Variants in PKNOX2 observed in about 807,000 individuals in gnomAD.
PKNOX2 encodes PBX/knotted 1 homeobox 2, also known as homeobox protein PKNOX2.
In PKNOX2, 14 loss-of-function variants were observed where a neutral mutation model predicts 53.1. The ratio of observed to expected loss-of-function variants is 0.26; its 90% CI spans 0.17 to 0.41. The LOEUF (loss-of-function observed/expected upper bound fraction) is 0.41, where lower values mean the gene tolerates loss of function less well. Ranked by LOEUF, PKNOX2 falls within the 10% of genes least tolerant of loss-of-function variation. The pLI is 1.00. For missense variants in PKNOX2, 496 were observed against 602.8 expected, an observed-to-expected ratio of 0.82 and a Z score of 1.85; for synonymous variants, 257 against 242.8, an observed-to-expected ratio of 1.06 and a Z score of -0.54.
chr11:125,200,060 C>T (rs1010957279), intron 1 of PKNOX2, among the ~76,000 whole-genome samples: 3 of 152,152 alleles, frequency 2.0e-5, no homozygotes, highest in African/African-American at 4.8e-5. Flanking sequence ...GACAGTGACA[C>T]CAGTGGCCTC....
At chr11:125,325,258 A>G (rs974039801) in intron 2 of PKNOX2, among the ~76,000 whole-genome samples, 21 of 152,140 alleles carry the variant, frequency 1.4e-4, no homozygotes, top group Non-Finnish European at 1.2e-4. Flanking sequence ...CCCTCATTTA[A>G]TAGATGCACG....
chr11:125,294,690 C>T (rs546288956), intron 2 of PKNOX2, among the ~76,000 whole-genome samples: 5 of 152,360 alleles, frequency 3.3e-5, no homozygotes, highest in African/African-American at 9.6e-5. Context: ...CCCCAGTCTG[C>T]TCCTCACTAG....
intron 2 of PKNOX2, among the ~76,000 whole-genome samples, chr11:125,309,127 C>CT (rs1948637810): frequency 6.8e-6 from 1 of 146,406 alleles, no homozygotes; most frequent in Non-Finnish European, 1.5e-5. Flanking sequence ...ACAATTACCT[C>CT]TTCCTTTCTT....
intron 1 of PKNOX2, among the ~76,000 whole-genome samples, chr11:125,213,584 A>G (rs1565470820): frequency 6.6e-6 from 1 of 151,974 alleles, no homozygotes; most frequent in Non-Finnish European, 1.5e-5. Context: ...CAGCCTCCTG[A>G]GTAGCTGGGA....
intron 10 of PKNOX2, among the ~76,000 whole-genome samples, chr11:125,418,114 A>AC (rs1392231822): frequency 8.6e-5 from 13 of 151,944 alleles, no homozygotes; most frequent in Admixed American, 5.2e-4. Flanking sequence ...TATTTTCATC[A>AC]CCCCAAAAAG....
At chr11:125,411,507 T>TCTCCCC (rs1955536299) in intron 9 of PKNOX2, 2 of 375,020 alleles carry the variant, frequency 5.3e-6, no homozygotes, top group African/African-American at 2.6e-5. Flanking sequence ...TCTCTCTCTC[T>TCTCCCC]CTCCCCCCCT....
At position 125,220,686 on chromosome 11, in the gene PKNOX2, C is replaced by T. The variant is rs75104546; in HGVS notation, c.-200-14359C>T. 9.6e-3 allele frequency among the ~76,000 whole-genome samples: 1,455 copies of T among 152,282 alleles called. 28 individuals carry two copies. Among genetic ancestry groups the T allele is most frequent in the African/African-American group, 0.032 (1,349 of 41,550 alleles). ...CTCCCGTCATACCTTGCCTAGGATC[C>T]GGCCTTGTTCTATTTCTCCATCCAT... On this transcript the variant is annotated intron_variant, in intron 1 of 12. Coordinates refer to ENST00000298282, the MANE Select transcript of PKNOX2 (RefSeq NM_001382323.2).
intron 10 of PKNOX2, among the ~76,000 whole-genome samples, chr11:125,413,074 A>G (rs977252132): frequency 5.3e-5 from 8 of 152,192 alleles, no homozygotes; most frequent in African/African-American, 1.9e-4. Flanking sequence ...CATCTCCCCA[A>G]AAGTGTTCCC....
At chr11:125,339,637 G>C (rs1950585334) in intron 3 of PKNOX2, among the ~76,000 whole-genome samples, 1 of 152,190 alleles carries the variant, frequency 6.6e-6, no homozygotes, top group East Asian at 1.9e-4. Flanking sequence ...CTGGGCCCCA[G>C]CAGGGCCCCT....
intron 10 of PKNOX2, among the ~76,000 whole-genome samples, chr11:125,417,248 G>A (rs1036110748): frequency 3.9e-5 from 6 of 151,938 alleles, no homozygotes; most frequent in East Asian, 3.9e-4. Flanking sequence ...GACCTGCCAC[G>A]TGATTCTGCT....
At chr11:125,373,656 GC>G (rs1376311192) in intron 5 of PKNOX2, among the ~76,000 whole-genome samples, 1 of 152,208 alleles carries the variant, frequency 6.6e-6, no homozygotes, top group Non-Finnish European at 1.5e-5. Flanking sequence ...GCAGCAAGAG[GC>G]AGGGCTGCCA....
At chr11:125,273,859 ACTG>A (rs1378801065) in intron 2 of PKNOX2, among the ~76,000 whole-genome samples, 1 of 152,190 alleles carries the variant, frequency 6.6e-6, no homozygotes, top group African/African-American at 2.4e-5. Flanking sequence ...ATATTTGACT[ACTG>A]TTGAGCTGTG....
rs1354902989 is a variant in PKNOX2, at chr11:125,240,046, A to G, written c.-130+4931A>G. The G allele has an allele frequency of 6.6e-6, 1 of 152,200 alleles. No homozygotes were observed. Among genetic ancestry groups the G allele is most frequent in the African/African-American group, 2.4e-5 (1 of 41,438 alleles). 9.4% of individuals were successfully genotyped at this position (152,200 alleles called of 1,614,324 possible). A position where few individuals can be genotyped will look rare whatever the true frequency, so the allele number is the denominator to read the frequency against. Reference sequence around the variant, plus strand: ...GGAGATTGCAATTTACATTATGCAAATAGACGTTATGCAATCAAGGCACTT... The same window carrying G: ...GGAGATTGCAATTTACATTATGCAAGTAGACGTTATGCAATCAAGGCACTT... On this transcript the variant is annotated intron_variant, in intron 2 of 12. Transcript: ENST00000298282. The surrounding 1 kb of genome is among the most constrained non-coding windows in gnomAD (Gnocchi z 4.3).
chr11:125,191,458 A>G (rs1463833426), intron 1 of PKNOX2: 1 of 152,254 alleles, frequency 6.6e-6, no homozygotes, highest in African/African-American at 2.4e-5. Context: ...GTGTGGCATA[A>G]CTCTGGTGCC....
At position 125,430,697 on chromosome 11, in the gene PKNOX2, G is replaced by A. The variant is rs374310957; in HGVS notation, c.1193-469G>A. Reference sequence around the variant, plus strand: ...TGTGCACACATAACCTCATGCACACGTGTATGTGTATGGTTGTGCACAGGT... The same window carrying A: ...TGTGCACACATAACCTCATGCACACATGTATGTGTATGGTTGTGCACAGGT... On this transcript the variant is annotated intron_variant, in intron 12 of 12. Coordinates refer to ENST00000298282, the MANE Select transcript of PKNOX2 (RefSeq NM_001382323.2). 3.0e-4 allele frequency among the ~76,000 whole-genome samples: 45 copies of A among 152,150 alleles called. No individual in the cohort carries two copies. The East Asian group carries it at 5.8e-3, about 20-fold the overall frequency.
intron 2 of PKNOX2, among the ~76,000 whole-genome samples, chr11:125,304,938 G>A (rs1948328882): frequency 1.3e-5 from 2 of 152,198 alleles, no homozygotes; most frequent in Admixed American, 6.5e-5. Context: ...AGTTAGCCTC[G>A]TGAAGTCAGC....
intron 1 of PKNOX2, among the ~76,000 whole-genome samples, chr11:125,211,700 T>A (rs1298337483): frequency 6.6e-6 from 1 of 152,014 alleles, no homozygotes; most frequent in Non-Finnish European, 1.5e-5. Context: ...AGCCGGCTGC[T>A]CGGGAGAGAG....
At chr11:125,288,706 C>T (rs79348658) in intron 2 of PKNOX2, among the ~76,000 whole-genome samples, 152 of 152,338 alleles carry the variant, frequency 1.0e-3, no homozygotes, top group African/African-American at 3.4e-3. Context: ...TGGCTTCTCA[C>T]GTTGTGCACC....
At chr11:125,255,960 G>A (rs1160581173) in intron 2 of PKNOX2, among the ~76,000 whole-genome samples, 2 of 151,850 alleles carry the variant, frequency 1.3e-5, no homozygotes, top group Non-Finnish European at 2.9e-5. Context: ...AGGGCTCCAT[G>A]ACCTCCCTTC....
Sources: allele counts gnomAD v4.1 joint callset (sites outside exome capture counted in the v4.1 genomes callset), GRCh38; gene constraint gnomAD v4.1.1; non-coding constraint Gnocchi (gnomAD v3.1); transcripts MANE v1.5; gene names NCBI Gene and HGNC (gene_info 2026-07-23, HGNC 2026-07-21).